Variants in DCN observed in about 807,000 individuals in gnomAD.
The protein encoded by DCN is decorin.
Under a neutral mutation model 36.5 loss-of-function variants are expected in DCN, and 17 were observed. The observed-to-expected ratio is 0.47, with a 90% CI of 0.32 to 0.70. The LOEUF (loss-of-function observed/expected upper bound fraction) is 0.70. DCN is among the 30% of genes least tolerant of loss of function. The probability of loss-of-function intolerance (pLI) is 0.04; values close to 1 mark genes in which losing one functional copy is unlikely to be tolerated. For missense variants in DCN, 389 were observed against 430.1 expected (o/e 0.90, Z 0.84); for synonymous variants, 163 against 161.4 (o/e 1.01, Z -0.07).
At chr12:91,169,489 A>G (rs994415441) in intron 2 of DCN, 1 of 151,222 alleles carries the variant, frequency 6.6e-6, no homozygotes, top group Non-Finnish European at 1.5e-5. Context: ...AACTATGGCT[A>G]TTTTATTTGA....
intron 5 of DCN, among the ~76,000 whole-genome samples, chr12:91,155,615 G>GATCT (rs3990009): frequency 0.16 from 24,587 of 150,272 alleles, 2,123 homozygotes; most frequent in African/African-American, 0.22. Context: ...ATTTTAATAA[G>GATCT]ATCTATCTAT....
Position 91,146,229 on chromosome 12 carries a change from ATTG to A in DCN, c.906_908del (p.Asn303del). 6 of 1,609,836 alleles carry A rather than the reference ATTG, an allele frequency of 3.7e-6. No individual in the cohort carries two copies. Among genetic ancestry groups the A allele is most frequent in the Non-Finnish European group, 5.1e-6 (6 of 1,176,606 alleles). On this transcript the variant is annotated inframe_deletion, in exon 8 of 8. Coordinates refer to ENST00000052754, the MANE Select transcript of DCN (RefSeq NM_001920.5). ...AGTCACTTGATCCAACTACAGAGAT[ATTG>A]TTGTTATGAAGGTAGACAACCTACA... is the stretch of plus-strand genomic sequence containing the variant.
At position 91,158,299 on chromosome 12, in the gene DCN, T is replaced by C. The variant is rs1881930727; in HGVS notation, c.535A>G (p.Ile179Val). The C allele has an allele frequency of 2.5e-6, 4 of 1,589,716 alleles. No individual in the cohort carries two copies. The Admixed American group carries it at 6.7e-5, about 27-fold the overall frequency. ...TFNGLNQMIV[I>V]ELGTNPLKSS... ...AAAGTTATAAAAATGTCTGTACCTATGACAATCATCTGGTTCAGTCCATTG... is the reference window on the plus strand; with the variant it reads ...AAAGTTATAAAAATGTCTGTACCTACGACAATCATCTGGTTCAGTCCATTG... The change falls in exon 4 of 8, where the codon ATA (isoleucine) becomes GTA (valine). Residue 179 changes from isoleucine (I) to valine (V), a missense_variant. Physicochemically the swap from Ile to Val is conservative, Grantham distance 29 (BLOSUM62 3). Transcript: ENST00000052754.
At chr12:91,146,801 T>C (rs538284668) in intron 7 of DCN, among the ~76,000 whole-genome samples, 25 of 152,326 alleles carry the variant, frequency 1.6e-4, no homozygotes, top group African/African-American at 6.0e-4. Flanking sequence ...ATATACATTG[T>C]CATTATCCTT....
chr12:91,160,904 C>T (rs575758165), intron 3 of DCN, among the ~76,000 whole-genome samples: 2 of 152,122 alleles, frequency 1.3e-5, no homozygotes, highest in South Asian at 4.2e-4. Context: ...TATAAAATTA[C>T]TCTTATGTAA....
At chr12:91,164,899 C>G (rs1289362907) in intron 2 of DCN, among the ~76,000 whole-genome samples, 182 bp from the exon 3 acceptor site, 1 of 152,078 alleles carries the variant, frequency 6.6e-6, no homozygotes, top group African/African-American at 2.4e-5. Flanking sequence ...CTTTTGCAAC[C>G]AAGTCAAATG....
At chr12:91,157,926 C>G (rs1205866129) in intron 4 of DCN, among the ~76,000 whole-genome samples, 1 of 152,114 alleles carries the variant, frequency 6.6e-6, no homozygotes, top group Non-Finnish European at 1.5e-5. Flanking sequence ...CCGCGCCCAG[C>G]CATAACATAT....
intron 2 of DCN, among the ~76,000 whole-genome samples, chr12:91,171,463 C>T (rs3138192): frequency 0.017 from 2,588 of 152,324 alleles, 71 homozygotes; most frequent in African/African-American, 0.058. Flanking sequence ...TAGGAGGTAG[C>T]ATCTAATTCC....
chr12:91,175,666 G>GCCAAGGATAATCCA (rs1232155178), intron 2 of DCN: 1 of 152,072 alleles, frequency 6.6e-6, no homozygotes, highest in Non-Finnish European at 1.5e-5. Context: ...TTAAGTGTCT[G>GCCAAGGATAATCCA]CCAAGGATAA....
chr12:91,158,667 TAAG>T (rs1310646968), intron 3 of DCN, among the ~76,000 whole-genome samples, 158 bp from the exon 4 acceptor site: 1 of 152,110 alleles, frequency 6.6e-6, no homozygotes, highest in Non-Finnish European at 1.5e-5. Context: ...TTTCTTTACT[TAAG>T]AAGTGTATAG....
chr12:91,163,385 C>T (rs1882287083), intron 3 of DCN, among the ~76,000 whole-genome samples: 1 of 152,140 alleles, frequency 6.6e-6, no homozygotes, highest in Non-Finnish European at 1.5e-5. Flanking sequence ...TAATCAAATG[C>T]CCTTGTCTTT....
At chr12:91,175,033 CA>C (rs1312315366) in intron 2 of DCN, 1 of 152,072 alleles carries the variant, frequency 6.6e-6, no homozygotes, top group East Asian at 1.9e-4. Flanking sequence ...CCATCAAAAT[CA>C]GAACGTTTTA....
At chr12:91,159,321 T>A (rs1288611383) in intron 3 of DCN, among the ~76,000 whole-genome samples, 1 of 152,194 alleles carries the variant, frequency 6.6e-6, no homozygotes, top group Non-Finnish European at 1.5e-5. Flanking sequence ...CCTTGCAATA[T>A]TTGATATTAT....
chr12:91,168,316 G>T (rs3138204), intron 2 of DCN, among the ~76,000 whole-genome samples: 1 of 151,870 alleles, frequency 6.6e-6, no homozygotes, highest in African/African-American at 2.4e-5. Context: ...AAGCATATCC[G>T]TTATCCCTCT....
chr12:91,168,998 T>C lies in DCN; in HGVS notation c.212-4281A>G, dbSNP rs3138202. Among the ~76,000 whole-genome samples, 1,393 of 145,838 alleles carry C rather than the reference T, an allele frequency of 9.6e-3. 25 individuals are homozygous for C. Among genetic ancestry groups the C allele is most frequent in the African/African-American group, 0.033 (1,331 of 40,772 alleles). Reference sequence around the variant, plus strand: ...AAATGAAGAAACAAATCCCCATTCATAGATTTGTATTTTCAAAAACAAACA... The same window carrying C: ...AAATGAAGAAACAAATCCCCATTCACAGATTTGTATTTTCAAAAACAAACA... On this transcript the variant is annotated intron_variant, in intron 2 of 7. Transcript: ENST00000052754.
intron 7 of DCN, among the ~76,000 whole-genome samples, chr12:91,148,437 C>T (rs1250062574): frequency 4.6e-5 from 7 of 151,904 alleles, no homozygotes; most frequent in Non-Finnish European, 4.4e-5. Context: ...AACTTGAAAG[C>T]CTGGGCGTGG....
chr12:91,148,481 G>A (rs1454179115), intron 7 of DCN, among the ~76,000 whole-genome samples: 2 of 151,838 alleles, frequency 1.3e-5, no homozygotes, highest in African/African-American at 4.8e-5. Context: ...ACTTTGGGAG[G>A]CCGAGGCGGA....
At chr12:91,153,475 G>A (rs962672728) in intron 5 of DCN, among the ~76,000 whole-genome samples, 2 of 151,980 alleles carry the variant, frequency 1.3e-5, no homozygotes, top group African/African-American at 2.4e-5. Flanking sequence ...TGAAGTCAAC[G>A]CTGAGTCTCA....
At chr12:91,151,360 C>T in intron 7 of DCN, 1 of 340,110 alleles carries the variant, frequency 2.9e-6, no homozygotes, top group South Asian at 3.2e-5. Flanking sequence ...TTCAAACTCC[C>T]CCTACTCACT....
Sources: allele counts gnomAD v4.1 joint callset (sites outside exome capture counted in the v4.1 genomes callset), GRCh38; gene constraint gnomAD v4.1.1; transcripts MANE v1.5; gene names NCBI Gene and HGNC (gene_info 2026-07-23, HGNC 2026-07-21).